Variants in DMD observed in about 807,000 individuals in gnomAD.
DMD encodes the protein mutant dystrophin.
In DMD, 63 loss-of-function variants were observed where a neutral mutation model predicts 330.1. The ratio of observed to expected loss-of-function variants is 0.19; its 90% confidence interval spans 0.16 to 0.24. DMD has a LOEUF of 0.24. Ranked by LOEUF, DMD falls within the 10% of genes least tolerant of loss-of-function variation. The pLI is 1.00. For missense variants in DMD, 3,344 were observed against 2,684.1 expected (o/e 1.25, Z -5.43); for synonymous variants, 1,223 against 959.8 (o/e 1.27, Z -5.07).
chrX:32,288,383 T>A (rs189730209), intron 42 of DMD, among the ~76,000 whole-genome samples: 119 of 111,837 alleles, frequency 1.1e-3, no homozygotes, highest in Non-Finnish European at 1.7e-3. Flanking sequence ...AGTATTCAAA[T>A]TATTGGGCAA....
chrX:32,143,023 T>C (rs1273453247), intron 44 of DMD, among the ~76,000 whole-genome samples: 1 of 110,897 alleles, frequency 9.0e-6, no homozygotes. Context: ...CATACACTGT[T>C]TGGAATATCT....
intron 19 of DMD, 40 bp from the exon 20 acceptor site, chrX:32,491,558 A>G: frequency 1.7e-6 from 2 of 1,166,918 alleles, no homozygotes. Flanking sequence ...CCCTGAACCC[A>G]CAGACTGAAA....
chrX:32,808,585 G>T (rs2077121512), intron 7 of DMD, among the ~76,000 whole-genome samples: 1 of 107,225 alleles, frequency 9.3e-6, no homozygotes, highest in Non-Finnish European at 1.9e-5. Context: ...GGTCATTTTT[G>T]AGTTTTCTTG....
chrX:31,375,933 A>C (rs1374015459), intron 60 of DMD, among the ~76,000 whole-genome samples: 2 of 112,221 alleles, frequency 1.8e-5, no homozygotes, highest in Non-Finnish European at 3.8e-5. Context: ...GATTTTACCC[A>C]CAAGCAGGTA....
At chrX:32,337,868 T>A (rs73619057) in intron 41 of DMD, among the ~76,000 whole-genome samples, 1 of 110,665 alleles carries the variant, frequency 9.0e-6, no homozygotes, top group African/African-American at 3.3e-5. Flanking sequence ...ATAAGCTTTT[T>A]TAATAAATGT....
intron 44 of DMD, among the ~76,000 whole-genome samples, chrX:31,978,603 A>G (rs2095453961): frequency 8.9e-6 from 1 of 111,738 alleles, no homozygotes; most frequent in Non-Finnish European, 1.9e-5. Context: ...AGAACCTCAT[A>G]GCATCCCTGA....
At chrX:32,912,630 G>A (rs2087376479) in intron 2 of DMD, among the ~76,000 whole-genome samples, 1 of 112,157 alleles carries the variant, frequency 8.9e-6, no homozygotes, top group African/African-American at 3.2e-5. Flanking sequence ...GCAACATAAT[G>A]CTGATTGAAA....
intron 51 of DMD, among the ~76,000 whole-genome samples, chrX:31,735,390 G>C (rs973062515): frequency 4.5e-5 from 5 of 111,016 alleles, no homozygotes; most frequent in African/African-American, 6.6e-5. Flanking sequence ...ACTCACTTTT[G>C]TCCTCCTAGA....
intron 52 of DMD, among the ~76,000 whole-genome samples, chrX:31,694,560 C>A (rs2083316146): frequency 1.0e-5 from 1 of 98,031 alleles, no homozygotes; most frequent in African/African-American, 3.7e-5. Context: ...AAACAAATAA[C>A]CCTAATAAAA....
chrX:31,204,135 A>C lies in DMD; in HGVS notation c.9650-17T>G. 8.3e-7 allele frequency: 1 copy of C among 1,206,323 alleles called. No individual in the cohort carries two copies. Among genetic ancestry groups the C allele is most frequent in the Non-Finnish European group, 1.1e-6 (1 of 891,181 alleles). On this transcript the variant is annotated splice_polypyrimidine_tract_variant and intron_variant, in intron 66 of 78. Transcript: ENST00000357033. ...TGAAAAGGTCTACAAAGGAAGAAGA[A>C]AATTGCAACAGTCAAAACACAGCAC...
chrX:33,064,879 A>T (rs1402144543), intron 1 of DMD, among the ~76,000 whole-genome samples: 5 of 111,006 alleles, frequency 4.5e-5, no homozygotes, highest in Non-Finnish European at 9.4e-5. Flanking sequence ...TCAGAGAGAG[A>T]CTTCATCTCA....
intron 62 of DMD, among the ~76,000 whole-genome samples, chrX:31,264,464 C>T (rs1339470505): frequency 2.7e-5 from 3 of 112,149 alleles, no homozygotes; most frequent in Non-Finnish European, 5.6e-5. Context: ...CAAGTCTGTA[C>T]GTACATTAAC....
chrX:32,526,187 C>T (rs1230093425), intron 17 of DMD, among the ~76,000 whole-genome samples: 1 of 111,934 alleles, frequency 8.9e-6, no homozygotes, highest in East Asian at 2.8e-4. Context: ...AGCTTAAAAT[C>T]TCCTTTAGCT....
intron 1 of DMD, among the ~76,000 whole-genome samples, chrX:33,051,936 A>T (rs1254962652): frequency 7.2e-5 from 8 of 110,939 alleles, no homozygotes; most frequent in Non-Finnish European, 1.1e-4. Context: ...AGTGTGAGTC[A>T]CCGCGCCCGA....
intron 53 of DMD, among the ~76,000 whole-genome samples, chrX:31,659,637 C>CGG (rs200053280): frequency 2.5e-5 from 1 of 40,787 alleles, no homozygotes; most frequent in Non-Finnish European, 3.7e-5. Context: ...GACTCCATCT[C>CGG]GGAAAAAAAA....
chrX:31,465,685 T>C (rs1386656697), intron 59 of DMD, among the ~76,000 whole-genome samples: 2 of 112,179 alleles, frequency 1.8e-5, no homozygotes, highest in Non-Finnish European at 3.8e-5. Flanking sequence ...TGTGTCTTTA[T>C]AGTAGAATGA....
chrX:31,743,868 T>G (rs757332076), intron 51 of DMD, among the ~76,000 whole-genome samples: 1 of 110,634 alleles, frequency 9.0e-6, no homozygotes, highest in South Asian at 3.9e-4. Context: ...GTCTTTTTTT[T>G]TTTTTCCACA....
intron 29 of DMD, among the ~76,000 whole-genome samples, chrX:32,423,658 A>C (rs2148047657): frequency 9.0e-6 from 1 of 110,672 alleles, no homozygotes; most frequent in South Asian, 3.8e-4. Context: ...TGATTGAAGT[A>C]GGGTAAATTA....
At chrX:31,878,026 T>A (rs1052973468) in intron 47 of DMD, among the ~76,000 whole-genome samples, 1 of 111,811 alleles carries the variant, frequency 8.9e-6, no homozygotes, top group Non-Finnish European at 1.9e-5. Context: ...GCTTCATATA[T>A]AAGCACAGAA....
Sources: allele counts gnomAD v4.1 joint callset (sites outside exome capture counted in the v4.1 genomes callset), GRCh38; gene constraint gnomAD v4.1.1; transcripts MANE v1.5; gene names NCBI Gene and HGNC (gene_info 2026-07-23, HGNC 2026-07-21).